The following PTPN4 variants were observed in gnomAD, a reference collection of about 807,000 sequenced individuals.
The protein encoded by PTPN4 is protein tyrosine phosphatase non-receptor type 4.
In PTPN4, 49 loss-of-function variants were observed where a neutral mutation model predicts 135.5. The observed-to-expected ratio is 0.36, with a 90% CI of 0.29 to 0.46. The LOEUF (loss-of-function observed/expected upper bound fraction) is 0.46. PTPN4 is among the 20% of genes least tolerant of loss of function. PTPN4 has a pLI of 1.00. For synonymous variants in PTPN4, 333 were observed against 369.9 expected, an observed-to-expected ratio of 0.90 and a Z score of 1.14; for missense variants, 860 against 1,101.0, an observed-to-expected ratio of 0.78 and a Z score of 3.10.
At chr2:119,803,431 G>A (rs902743437) in intron 1 of PTPN4, among the ~76,000 whole-genome samples, 4 of 152,122 alleles carry the variant, frequency 2.6e-5, no homozygotes, top group African/African-American at 7.2e-5. Flanking sequence ...TCTTTGTCCA[G>A]TGGATAACGT....
At chr2:119,969,420 T>G (rs1246102051) in intron 26 of PTPN4, among the ~76,000 whole-genome samples, 2 of 152,202 alleles carry the variant, frequency 1.3e-5, no homozygotes, top group Admixed American at 1.3e-4. Flanking sequence ...CTGTTCACTT[T>G]CCCTGTATTT....
intron 9 of PTPN4, among the ~76,000 whole-genome samples, chr2:119,894,624 T>C (rs1241251439): frequency 3.9e-5 from 6 of 152,196 alleles, no homozygotes; most frequent in Admixed American, 3.9e-4. Flanking sequence ...AAACAAGTGA[T>C]ATATTGGAAA....
intron 1 of PTPN4, among the ~76,000 whole-genome samples, chr2:119,766,404 T>C (rs1204231141): frequency 6.6e-6 from 1 of 151,786 alleles, no homozygotes; most frequent in Non-Finnish European, 1.5e-5. Flanking sequence ...TCCCTCCCTT[T>C]ACCCGCTGCC....
At chr2:119,852,296 G>A (rs892015019) in intron 2 of PTPN4, among the ~76,000 whole-genome samples, 3 of 152,278 alleles carry the variant, frequency 2.0e-5, no homozygotes, top group South Asian at 2.1e-4. Context: ...TAGGTTGTGC[G>A]GTCTGACCCC....
chr2:119,784,609 G>A (rs769620420), intron 1 of PTPN4, among the ~76,000 whole-genome samples: 3 of 151,234 alleles, frequency 2.0e-5, no homozygotes, highest in Non-Finnish European at 4.4e-5. Context: ...GGATGGTCTC[G>A]ATCTCCTGAC....
chr2:119,809,923 A>G lies in PTPN4; in HGVS notation c.70A>G (p.Arg24Gly), dbSNP rs146868631. 6.6e-4 allele frequency: 1,065 copies of G among 1,613,834 alleles called. 5 individuals carry two copies. The African/African-American group carries it at 0.012, about 19-fold the overall frequency. Reference sequence around the variant, plus strand: ...ACGAGCATCAGAGTTGGCCCGAGACAGACAGCATACTGAAGTGGTTTGCAA... The same window carrying G: ...ACGAGCATCAGAGTTGGCCCGAGACGGACAGCATACTGAAGTGGTTTGCAA... ...NVRASELARD[R>G]QHTEVVCNIL... Residue 24 changes from arginine to glycine, a missense_variant, in exon 2 of 27, where the codon AGA (arginine) becomes GGA (glycine). Transcript: ENST00000263708.
chr2:119,914,976 C>A (rs1201284424), intron 10 of PTPN4, among the ~76,000 whole-genome samples: 1 of 151,946 alleles, frequency 6.6e-6, no homozygotes, highest in African/African-American at 2.4e-5. Flanking sequence ...TCTGTAGATA[C>A]AAAATTTTCC....
At chr2:119,960,737 GATTTTCCTA>G in intron 22 of PTPN4, 61 bp from the exon 23 acceptor site, 1 of 1,497,634 alleles carries the variant, frequency 6.7e-7, no homozygotes, top group East Asian at 2.3e-5. Flanking sequence ...GTTAGTGGAT[GATTTTCCTA>G]TTCCTGATTA....
chr2:119,946,546 T>C lies in PTPN4; in HGVS notation c.1628T>C (p.Ile543Thr), dbSNP rs1487379308. The change falls in exon 18 of 27, where the codon ATT becomes ACT. Residue 543 changes from isoleucine to threonine, a missense_variant. Ile to Thr is a moderately conservative substitution (Grantham distance 89). Transcript: ENST00000263708. Reference sequence around the variant, plus strand: ...GGATATGATCAGAAGATGCCTGTGATTGTGTCTCGAGTAGCACCAGGAACA... The same window carrying C: ...GGATATGATCAGAAGATGCCTGTGACTGTGTCTCGAGTAGCACCAGGAACA... ...KGGYDQKMPV[I>T]VSRVAPGTPA... 4 of 1,609,782 alleles carry C rather than the reference T, an allele frequency of 2.5e-6. No individual in the cohort carries two copies. The highest frequency in any genetic ancestry group is 3.4e-5 in the Admixed American group (2 of 59,656).
At chr2:119,965,721 C>A in intron 25 of PTPN4, 76 bp downstream of exon 25, 1 of 1,483,620 alleles carries the variant, frequency 6.7e-7, no homozygotes, top group Non-Finnish European at 9.1e-7. Context: ...CATATTTTGT[C>A]CTTATGGTGT....
At chr2:119,766,247 G>C (rs540556722) in intron 1 of PTPN4, among the ~76,000 whole-genome samples, 1 of 152,152 alleles carries the variant, frequency 6.6e-6, no homozygotes, top group Non-Finnish European at 1.5e-5. Context: ...GAAAACCACT[G>C]TTTTAGAGAC....
intron 23 of PTPN4, 37 bp from the exon 24 acceptor site, chr2:119,962,579 T>C (rs1402578686): frequency 8.7e-7 from 1 of 1,152,452 alleles, no homozygotes; most frequent in Non-Finnish European, 1.1e-6. Context: ...TCCATATGTA[T>C]ATAATTTTAT....
At chr2:119,785,045 A>G (rs1167574833) in intron 1 of PTPN4, among the ~76,000 whole-genome samples, 2 of 152,064 alleles carry the variant, frequency 1.3e-5, no homozygotes, top group African/African-American at 4.8e-5. Context: ...CACTATTGAC[A>G]TTTTGGACCA....
Position 119,978,122 on chromosome 2 carries a change from G to A in PTPN4, c.*1052G>A, listed in dbSNP as rs959596825. 4 of 152,066 alleles carry A rather than the reference G, an allele frequency of 2.6e-5. No homozygotes were observed. The highest frequency in any genetic ancestry group is 9.7e-5 in the African/African-American group (4 of 41,412). The allele number at this position is 152,066 out of a possible 1,614,324, so 9.4% of individuals were successfully genotyped here. A position where few individuals can be genotyped will look rare whatever the true frequency, so the allele number is the denominator to read the frequency against. ...TTTACTTGAGGGACTGAGGGGTTAC[G>A]GTTTAGCAGCTCAACTTTAAAAGAT... is the stretch of plus-strand genomic sequence containing the variant. On this transcript the variant is annotated 3_prime_UTR_variant, in exon 27 of 27. Transcript: ENST00000263708.
At chr2:119,820,050 G>A (rs770397508) in intron 2 of PTPN4, among the ~76,000 whole-genome samples, 7 of 152,012 alleles carry the variant, frequency 4.6e-5, no homozygotes, top group African/African-American at 7.3e-5. Flanking sequence ...CTTTAGAGAC[G>A]AAGTCTCACT....
At chr2:119,769,625 T>C (rs1690698518) in intron 1 of PTPN4, among the ~76,000 whole-genome samples, 1 of 152,180 alleles carries the variant, frequency 6.6e-6, no homozygotes, top group Non-Finnish European at 1.5e-5. Context: ...AAGTTTGCCA[T>C]AGAGGTAAAA....
At chr2:119,950,224 C>G (rs1042399170) in intron 18 of PTPN4, among the ~76,000 whole-genome samples, 2 of 152,144 alleles carry the variant, frequency 1.3e-5, no homozygotes, top group African/African-American at 4.8e-5. Context: ...ATTCACTATA[C>G]TTCAGGTATC....
chr2:119,809,324 A>G (rs562091657), intron 1 of PTPN4, among the ~76,000 whole-genome samples: 1 of 151,856 alleles, frequency 6.6e-6, no homozygotes, highest in African/African-American at 2.4e-5. Context: ...TAACAATAAT[A>G]CTATTAGGTT....
intron 2 of PTPN4, among the ~76,000 whole-genome samples, chr2:119,810,958 T>G (rs1166361365): frequency 6.6e-6 from 1 of 152,204 alleles, no homozygotes; most frequent in Admixed American, 6.5e-5. Flanking sequence ...GAATTCTTAT[T>G]CTTCAGGATG....
Sources: gnomAD v4.1 joint callset for allele counts (sites outside exome capture counted in the v4.1 genomes callset) on GRCh38, gnomAD v4.1.1 for gene constraint, MANE v1.5 for transcripts, NCBI Gene and HGNC (gene_info 2026-07-23, HGNC 2026-07-21) for gene names.